NAT9: variants seen among roughly 807,000 people sequenced by gnomAD.
NAT9 encodes the protein N-acetyltransferase 9, also known as alpha/beta-tubulin-N-acetyltransferase 9.
Under a neutral mutation model 24.0 loss-of-function variants are expected in NAT9, and 18 were observed. That is an observed-to-expected ratio of 0.75 (90% CI 0.52 to 1.11). The LOEUF is 1.11. NAT9 is among the 50% of genes most tolerant of loss of function. NAT9 has a pLI of 0.00. For missense variants in NAT9, 254 were observed against 258.6 expected (o/e 0.98, Z 0.12); for synonymous variants, 104 against 102.3 (o/e 1.02, Z -0.10).
chr17:74,775,344 T>C, intron 2 of NAT9: 1 of 313,008 alleles, frequency 3.2e-6, no homozygotes, highest in Non-Finnish European at 6.0e-6. Context: ...TGCACCACCA[T>C]GCCTGGCTAA....
intron 2 of NAT9, 97 bp downstream of exon 2, chr17:74,775,525 C>T (rs2035921461): frequency 9.5e-7 from 1 of 1,054,900 alleles, no homozygotes; most frequent in Non-Finnish European, 1.4e-6. Flanking sequence ...TTCTCACAAC[C>T]AATGTTTCTT....
Position 74,772,294 on chromosome 17 carries a change from G to A in NAT9, c.335-17C>T. The A allele has an allele frequency of 3.7e-6, 6 of 1,613,412 alleles. No homozygotes were observed. The highest frequency in any genetic ancestry group is 5.1e-6 in the Non-Finnish European group (6 of 1,179,924). On this transcript the variant is annotated splice_polypyrimidine_tract_variant and intron_variant, in intron 4 of 6. Transcript: ENST00000357814. ...AGCTGGGCTCTAGGAGAGACAACAG[G>A]AGCGGCGCTGACGCCGTGTGCCAGG...
intron 2 of NAT9, 168 bp from the exon 3 acceptor site, chr17:74,773,856 C>T (rs1851577975): frequency 1.7e-6 from 1 of 591,046 alleles, no homozygotes; most frequent in Admixed American, 2.8e-5. Flanking sequence ...CAGAAGCAAG[C>T]TAGTCTTACA....
intron 4 of NAT9, 52 bp downstream of exon 4, chr17:74,772,844 A>G: frequency 1.9e-6 from 3 of 1,609,522 alleles, no homozygotes; most frequent in South Asian, 1.1e-5. Context: ...AGGCTCAGTC[A>G]GCAGATCTGA....
At chr17:74,774,369 G>A (rs1358372438) in intron 2 of NAT9, among the ~76,000 whole-genome samples, 1 of 151,624 alleles carries the variant, frequency 6.6e-6, no homozygotes, top group African/African-American at 2.4e-5. Context: ...GGAAGAGGAT[G>A]GGCAGCTCCT....
chr17:74,772,771 C>T (rs1344105607), intron 4 of NAT9, 125 bp downstream of exon 4: 2 of 1,438,468 alleles, frequency 1.4e-6, no homozygotes, highest in East Asian at 4.7e-5. Flanking sequence ...CAGCCAGGCC[C>T]TGGACTCACC....
At position 74,771,726 on chromosome 17, in the gene NAT9, A is replaced by T; in HGVS notation, c.622T>A (p.Ter208ArgextTer11). ...TGGCTGCCCACAAGGCCCAGCCATC[A>T]GCAGGGCTCTGCCGACCCATCTCTG... The part of the protein sequence containing the change: ...PYRDGSAEPC[*>R] Residue 208 changes from the stop codon to arginine (R), a stop_lost, in exon 7 of 7, where the codon TGA becomes AGA. Transcript: ENST00000357814. The T allele has an allele frequency of 6.2e-7, 1 of 1,613,674 alleles. No individual in the cohort carries two copies. Among genetic ancestry groups the T allele is most frequent in the Non-Finnish European group, 8.5e-7 (1 of 1,180,042 alleles).
Position 74,771,849 on chromosome 17 carries a change from T to A in NAT9, c.499A>T (p.Ser167Cys). Reference sequence around the variant, plus strand: ...AGGGTCACCTCCTGAAAAACACTGCTCGTAGCCACCTACGTGAGCCAGAGA... The same window carrying A: ...AGGGTCACCTCCTGAAAAACACTGCACGTAGCCACCTACGTGAGCCAGAGA... ...QKLHFEQVAT[S>C]SVFQEVTLRL... The change falls in exon 7 of 7, where the codon AGC becomes TGC. Residue 167 changes from serine to cysteine, a missense_variant. Physicochemically the swap from Ser to Cys is moderately radical, Grantham distance 112 (BLOSUM62 -1). Coordinates refer to ENST00000357814, the MANE Select transcript of NAT9 (RefSeq NM_015654.5). 6.2e-7 allele frequency: 1 copy of A among 1,614,168 alleles called. No homozygotes were observed. The highest frequency in any genetic ancestry group is 1.3e-5 in the African/African-American group (1 of 75,036).
chr17:74,775,591 A>C (rs750433857), intron 2 of NAT9, 31 bp downstream of exon 2: 1 of 1,595,990 alleles, frequency 6.3e-7, no homozygotes, highest in South Asian at 1.1e-5. Flanking sequence ...CTGGGTGCTG[A>C]TACGCACCCC....
intron 2 of NAT9, among the ~76,000 whole-genome samples, chr17:74,774,573 C>T (rs1170949500): frequency 1.0e-4 from 12 of 115,076 alleles, no homozygotes; most frequent in Admixed American, 8.3e-4. Context: ...TTTTTTGAGA[C>T]GGAGTCTCGA....
chr17:74,775,609 G>T lies in NAT9; in HGVS notation c.77+13C>A. On this transcript the variant is annotated intron_variant, in intron 2 of 6. Transcript: ENST00000357814. ...GGTGCTGATACGCACCCCATGTCAA[G>T]CGGGAAAGATACCTGGGCACATGCT... is the stretch of plus-strand genomic sequence containing the variant. 6.2e-7 allele frequency: 1 copy of T among 1,612,314 alleles called. No homozygotes were observed. The highest frequency in any genetic ancestry group is 8.5e-7 in the Non-Finnish European group (1 of 1,178,422).
chr17:74,772,016 T>C lies in NAT9; in HGVS notation c.433A>G (p.Ile145Val). 1 of 1,614,218 alleles carries C rather than the reference T, an allele frequency of 6.2e-7. No homozygotes were observed. The change falls in exon 6 of 7, where the codon ATT (isoleucine) becomes GTT (valine). Residue 145 changes from isoleucine to valine, a missense_variant. By Grantham distance (29) the Ile-to-Val change is conservative. Transcript: ENST00000357814. ...TLGLTKFEAK[I>V]GQGNEPSIRM... ...ATGCTTGGTTCATTTCCTTGCCCAA[T>C]TTTAGCCTCAAACTTGGTCAGACCT...
chr17:74,772,329 G>A lies in NAT9; in HGVS notation c.335-52C>T, dbSNP rs141549149. On this transcript the variant is annotated intron_variant, in intron 4 of 6. Transcript: ENST00000357814. ...GACGCCGTGTGCCAGGCTCCAGTGCGGGCACTTGGCAGACACCATCTCATT... is the reference window on the plus strand; with the variant it reads ...GACGCCGTGTGCCAGGCTCCAGTGCAGGCACTTGGCAGACACCATCTCATT... 8.5e-4 allele frequency: 1,359 copies of A among 1,602,398 alleles called. 1 individual carries two copies. Among genetic ancestry groups the A allele is most frequent in the Admixed American group, 1.3e-3 (77 of 59,204 alleles).
rs758255268 is a variant in NAT9, at chr17:74,772,994, G to A, written c.236C>T (p.Pro79Leu). 3 of 1,613,940 alleles carry A rather than the reference G, an allele frequency of 1.9e-6. No individual in the cohort carries two copies. In the East Asian group the frequency reaches 6.7e-5, roughly 36 times the overall value. ...VLDAEKWQAQ[P>L]GATEESCMVG... ...CATGCAGCTCTCTTCGGTGGCGCCT[G>A]GCTGGGCCTGCCACTTCTCGGCATC... The change falls in exon 4 of 7, where the codon CCA becomes CTA. Residue 79 changes from proline to leucine, a missense_variant. Coordinates refer to ENST00000357814, the MANE Select transcript of NAT9 (RefSeq NM_015654.5).
intron 4 of NAT9, 141 bp downstream of exon 4, chr17:74,772,755 G>A (rs1054254392): frequency 3.0e-6 from 4 of 1,318,438 alleles, no homozygotes; most frequent in Non-Finnish European, 4.1e-6. Context: ...AGGTGGGCAG[G>A]CTGCCCAGCC....
chr17:74,773,685 C>A lies in NAT9; in HGVS notation c.81G>T (p.Arg27Ser). The change falls in exon 3 of 7, where the codon AGG becomes AGT. Residue 27 changes from arginine to serine, a missense_variant. Arg to Ser is a moderately radical substitution (Grantham distance 110, BLOSUM62 -1). Coordinates refer to ENST00000357814, the MANE Select transcript of NAT9 (RefSeq NM_015654.5). ...CCTCTGATTTCATCCACTCGTGGTACCTGCTGGGACAGAGGGGTGGCTTTA... is the reference window on the plus strand; with the variant it reads ...CCTCTGATTTCATCCACTCGTGGTAACTGCTGGGACAGAGGGGTGGCTTTA... ...VPYTSEHVPS[R>S]YHEWMKSEEL... 2 of 1,613,890 alleles carry A rather than the reference C, an allele frequency of 1.2e-6. No individual in the cohort carries two copies.
At position 74,773,033 on chromosome 17, in the gene NAT9, G is replaced by T. The variant is rs772417568; in HGVS notation, c.197C>A (p.Thr66Asn). The T allele has an allele frequency of 3.7e-6, 6 of 1,613,794 alleles. No homozygotes were observed. The highest frequency in any genetic ancestry group is 5.1e-6 in the Non-Finnish European group (6 of 1,179,940). Residue 66 changes from threonine (T) to asparagine (N), a missense_variant, in exon 4 of 7, where the codon ACC (threonine) becomes AAC (asparagine). By Grantham distance (65) the Thr-to-Asn change is moderately conservative (BLOSUM62 0). Coordinates refer to ENST00000357814, the MANE Select transcript of NAT9 (RefSeq NM_015654.5). ...CSWQEDADKC[T>N]FIVLDAEKWQ... ...CTTCTCGGCATCCAGCACAATGAAG[G>T]TACACTCTGAGGAGGAGGTGACAGG...
chr17:74,775,155 G>GT (rs2035842529), intron 2 of NAT9, among the ~76,000 whole-genome samples: 1 of 147,554 alleles, frequency 6.8e-6, no homozygotes, highest in Admixed American at 6.7e-5. Flanking sequence ...GCACCCGGCC[G>GT]TTTTTTTGTT....
At chr17:74,775,521 C>A in intron 2 of NAT9, 101 bp downstream of exon 2, 2 of 1,031,496 alleles carry the variant, frequency 1.9e-6, no homozygotes. Context: ...TTATTTCTCA[C>A]AACCAATGTT....
Sources: gnomAD v4.1 joint callset for allele counts (sites outside exome capture counted in the v4.1 genomes callset) on GRCh38, gnomAD v4.1.1 for gene constraint, MANE v1.5 for transcripts, NCBI Gene and HGNC (gene_info 2026-07-23, HGNC 2026-07-21) for gene names.